The following TTC7B variants were observed in gnomAD, a reference collection of about 807,000 sequenced individuals.
TTC7B encodes tetratricopeptide repeat protein 7B.
In TTC7B, 28 loss-of-function variants were observed where a neutral mutation model predicts 106.8. The observed-to-expected ratio is 0.26, with a 90% confidence interval of 0.19 to 0.36. TTC7B has a LOEUF of 0.36. Among genes scored for constraint, TTC7B ranks in the 10% least tolerant of loss-of-function variants. The pLI, the probability that TTC7B is intolerant of heterozygous loss-of-function variation, is 1.00. For synonymous variants in TTC7B, 405 were observed against 430.6 expected (o/e 0.94, Z 0.74); for missense variants, 862 against 1,076.4 (o/e 0.80, Z 2.79).
At chr14:90,770,923 T>C (rs1890843601) in intron 3 of TTC7B, among the ~76,000 whole-genome samples, 1 of 152,170 alleles carries the variant, frequency 6.6e-6, no homozygotes, top group African/African-American at 2.4e-5. Flanking sequence ...GACATTATGT[T>C]AAGTGAAACG....
rs541583453 is a variant in TTC7B, at chr14:90,771,905, AT to A, written c.445+8832del. On this transcript the variant is annotated intron_variant, in intron 3 of 19. Coordinates refer to ENST00000328459, the MANE Select transcript of TTC7B (RefSeq NM_001010854.2). ...TAAGTATATACATATATATGTATAT[AT>A]TTCTTTATTTTATATATAAATATAT... Among the ~76,000 whole-genome samples, 217 of 146,398 alleles carry A rather than the reference AT, an allele frequency of 1.5e-3. 1 individual carries two copies. The highest frequency in any genetic ancestry group is 5.3e-3 in the African/African-American group (214 of 40,340).
chr14:90,587,663 T>A (rs1181111518), intron 18 of TTC7B, among the ~76,000 whole-genome samples: 1 of 152,214 alleles, frequency 6.6e-6, no homozygotes, highest in Non-Finnish European at 1.5e-5. Flanking sequence ...CTGTCATTGT[T>A]CTGTTCCACA....
chr14:90,614,001 G>A (rs1018247933), intron 16 of TTC7B, among the ~76,000 whole-genome samples: 14 of 152,176 alleles, frequency 9.2e-5, no homozygotes, highest in African/African-American at 2.7e-4. Flanking sequence ...GTGGTGGGGC[G>A]GGCTTGGAGT....
chr14:90,676,682 A>C, intron 8 of TTC7B, 22 bp from the exon 9 acceptor site: 1 of 1,611,634 alleles, frequency 6.2e-7, no homozygotes. Flanking sequence ...TGGAATAGAG[A>C]AGCAGATGGA....
intron 3 of TTC7B, chr14:90,767,124 C>A: frequency 1.7e-6 from 1 of 595,772 alleles, no homozygotes; most frequent in Non-Finnish European, 2.9e-6. Flanking sequence ...GAGGCTGAGG[C>A]AGGAGCATCG....
In TTC7B at chr14:90,524,956, C is replaced by T. The variant is rs1158389629; in HGVS notation, c.*16412G>A. ...AAGATGTGATTGGCACGTAGTAAAGCGCAAGCATTTAAAGTATACAGTTCA... is the reference window on the plus strand; with the variant it reads ...AAGATGTGATTGGCACGTAGTAAAGTGCAAGCATTTAAAGTATACAGTTCA... On this transcript the variant is annotated 3_prime_UTR_variant, in exon 20 of 20. Coordinates refer to ENST00000328459, the MANE Select transcript of TTC7B (RefSeq NM_001010854.2). The T allele has an allele frequency of 1.3e-5, 2 of 152,000 alleles. No homozygotes were observed. Among genetic ancestry groups the T allele is most frequent in the South Asian group, 2.1e-4 (1 of 4,820 alleles). The allele number at this position is 152,000 out of a possible 1,614,324, so 9.4% of individuals were successfully genotyped here.
At chr14:90,660,417 A>AAAAAAAAAAAAAAG (rs1555386791) in intron 9 of TTC7B, among the ~76,000 whole-genome samples, 2 of 119,430 alleles carry the variant, frequency 1.7e-5, no homozygotes, top group African/African-American at 3.7e-5. Flanking sequence ...AAAAAAAAAA[A>AAAAAAAAAAAAAAG]AAAAGAAAAG....
chr14:90,665,238 G>C (rs1886364780), intron 9 of TTC7B, among the ~76,000 whole-genome samples: 1 of 152,198 alleles, frequency 6.6e-6, no homozygotes, highest in South Asian at 2.1e-4. Flanking sequence ...GTAATCACAT[G>C]ACTGCCACCT....
chr14:90,801,292 A>G (rs1185319443), intron 1 of TTC7B, among the ~76,000 whole-genome samples: 1 of 151,996 alleles, frequency 6.6e-6, no homozygotes, highest in African/African-American at 2.4e-5. Context: ...AAAAGGCACA[A>G]ACACAGGTCC....
chr14:90,669,077 G>GT (rs1352122898), intron 9 of TTC7B, among the ~76,000 whole-genome samples: 1 of 151,978 alleles, frequency 6.6e-6, no homozygotes. Context: ...TGGCCAATTG[G>GT]TTTTTGATAA....
In TTC7B at chr14:90,540,557, T is replaced by C; in HGVS notation, c.*811A>G. The C allele has an allele frequency of 6.5e-6, 1 of 153,916 alleles. No homozygotes were observed. The highest frequency in any genetic ancestry group is 1.5e-5 in the Non-Finnish European group (1 of 68,056). 9.5% of individuals were successfully genotyped at this position (153,916 alleles called of 1,614,324 possible). The stretch of plus-strand genomic sequence containing the variant: ...CAGGAACTAAGCCTTTCTCAGGTCT[T>C]TGAGCTTTTACGAATGACACAGGCT... On this transcript the variant is annotated 3_prime_UTR_variant, in exon 20 of 20. Coordinates refer to ENST00000328459, the MANE Select transcript of TTC7B (RefSeq NM_001010854.2).
chr14:90,586,528 C>T (rs1316240350), intron 18 of TTC7B, among the ~76,000 whole-genome samples: 2 of 152,168 alleles, frequency 1.3e-5, no homozygotes, highest in Non-Finnish European at 2.9e-5. Context: ...CCTCAGCCTT[C>T]CAAACTGCTG....
At chr14:90,766,840 G>T in intron 3 of TTC7B, 1 of 1,597,054 alleles carries the variant, frequency 6.3e-7, no homozygotes, top group Non-Finnish European at 8.6e-7. Context: ...CAATGGTCTG[G>T]ACAACAAGCT....
At chr14:90,676,435 C>G (rs1077697) in intron 9 of TTC7B, 88 bp downstream of exon 9, 2 of 1,497,120 alleles carry the variant, frequency 1.3e-6, no homozygotes, top group Non-Finnish European at 1.8e-6. Context: ...TAGAGGGGGG[C>G]CCAGGACCAG....
At position 90,540,678 on chromosome 14, in the gene TTC7B, G is replaced by C. The variant is rs1428254631; in HGVS notation, c.*690C>G. ...AGGAATGTCGGTAAATATTCCATTT[G>C]AAGCTTCTTTGTACATATTTCCCTC... On this transcript the variant is annotated 3_prime_UTR_variant, in exon 20 of 20. Transcript: ENST00000328459. 1 of 153,750 alleles carries C rather than the reference G, an allele frequency of 6.5e-6. No individual in the cohort carries two copies. The highest frequency in any genetic ancestry group is 1.9e-4 in the East Asian group (1 of 5,202). The allele number at this position is 153,750 out of a possible 1,614,324, so 9.5% of individuals were successfully genotyped here. A position where few individuals can be genotyped will look rare whatever the true frequency, so the allele number is the denominator to read the frequency against.
chr14:90,737,425 AC>A (rs1353294638), intron 4 of TTC7B, among the ~76,000 whole-genome samples: 1 of 152,188 alleles, frequency 6.6e-6, no homozygotes, highest in African/African-American at 2.4e-5. Flanking sequence ...ACACAATGGC[AC>A]AATTATTTAA....
rs1467693997 is a variant in TTC7B at position 90,525,970 on chromosome 14, A to T, written c.*15398T>A. 3 of 149,850 alleles carry T rather than the reference A, an allele frequency of 2.0e-5. No homozygotes were observed. The highest frequency in any genetic ancestry group is 4.4e-5 in the Non-Finnish European group (3 of 67,608). The allele number at this position is 149,850 out of a possible 1,614,324, so 9.3% of individuals were successfully genotyped here. A position where few individuals can be genotyped will look rare whatever the true frequency, so the allele number is the denominator to read the frequency against. On this transcript the variant is annotated 3_prime_UTR_variant, in exon 20 of 20. Transcript: ENST00000328459. ...GTTGCGATTGGTTAAAAAATAAAAAAAAATAAAAAAAATAAAAAAAAAAAA... is the reference window on the plus strand; with the variant it reads ...GTTGCGATTGGTTAAAAAATAAAAATAAATAAAAAAAATAAAAAAAAAAAA...
intron 19 of TTC7B, among the ~76,000 whole-genome samples, chr14:90,571,786 A>AG (rs1368022986): frequency 6.6e-6 from 1 of 152,248 alleles, no homozygotes; most frequent in African/African-American, 2.4e-5. Context: ...AGGGTTCAAA[A>AG]GATGTCTTCT....
chr14:90,736,270 T>C (rs538297152), intron 4 of TTC7B, among the ~76,000 whole-genome samples: 1 of 152,188 alleles, frequency 6.6e-6, no homozygotes, highest in South Asian at 2.1e-4. Flanking sequence ...AAATTTTTGT[T>C]TTCTGTTTTT....
Sources: allele counts gnomAD v4.1 joint callset (sites outside exome capture counted in the v4.1 genomes callset), GRCh38; gene constraint gnomAD v4.1.1; transcripts MANE v1.5; gene names NCBI Gene and HGNC (gene_info 2026-07-23, HGNC 2026-07-21).